XIRP1: variants seen among roughly 807,000 people sequenced by gnomAD.
XIRP1 encodes xin actin-binding repeat-containing protein 1.
For missense variants in XIRP1, 2,378 were observed against 2,345.4 expected, an observed-to-expected ratio of 1.01 and a Z score of -0.29; for synonymous variants, 984 against 947.0, an observed-to-expected ratio of 1.04 and a Z score of -0.72.
In XIRP1 at chr3:39,186,099, G is replaced by A. The variant is rs1202959862; in HGVS notation, c.3347C>T (p.Ala1116Val). 1.2e-6 allele frequency: 2 copies of A among 1,613,820 alleles called. No individual in the cohort carries two copies. Among genetic ancestry groups the A allele is most frequent in the Admixed American group, 3.3e-5 (2 of 60,002 alleles). Residue 1116 changes from alanine (A) to valine (V), a missense_variant, in exon 2 of 2, where the codon GCC becomes GTC. Coordinates refer to ENST00000340369, the MANE Select transcript of XIRP1 (RefSeq NM_194293.4). ...GGGSDPRIPA[A>V]PRKVSREEQA... ...CTCTTCCCTACTGACCTTTCTGGGG[G>A]CTGCTGGGATCCGGGGATCACTTCC... is the stretch of plus-strand genomic sequence containing the variant.
chr3:39,186,496 G>A lies in XIRP1; in HGVS notation c.2950C>T (p.His984Tyr). The A allele has an allele frequency of 6.2e-7, 1 of 1,613,720 alleles. No individual in the cohort carries two copies. The highest frequency in any genetic ancestry group is 8.5e-7 in the Non-Finnish European group (1 of 1,179,768). Residue 984 changes from histidine (H) to tyrosine (Y), a missense_variant, in exon 2 of 2, where the codon CAT (histidine) becomes TAT (tyrosine). By Grantham distance (83) the His-to-Tyr change is moderately conservative. Transcript: ENST00000340369. ...GGGGTGGCCCCTGAGGCTCTCAGAT[G>A]CCCCATCCCCATGCTGGGGTCCAGT... is the stretch of plus-strand genomic sequence containing the variant. ...PPLDPSMGMG[H>Y]LRASGATPCP... is the part of the protein sequence containing the mutation.
chr3:39,190,205 C>T (rs1460932675), intron 1 of XIRP1, among the ~76,000 whole-genome samples: 2 of 152,132 alleles, frequency 1.3e-5, no homozygotes, highest in Non-Finnish European at 2.9e-5. Context: ...GCATTATACT[C>T]GAAGACTGAG....
chr3:39,189,643 G>T, intron 1 of XIRP1, 118 bp from the exon 2 acceptor site: 1 of 756,190 alleles, frequency 1.3e-6, no homozygotes, highest in Non-Finnish European at 2.0e-6. Flanking sequence ...CTGCCTGCAT[G>T]GTTCGTGGGC....
rs776896952 is a variant in XIRP1, at chr3:39,188,493, G to T, written c.953C>A (p.Ala318Asp). 13 of 1,603,348 alleles carry T rather than the reference G, an allele frequency of 8.1e-6. No individual in the cohort carries two copies. Among genetic ancestry groups the T allele is most frequent in the Non-Finnish European group, 1.0e-5 (12 of 1,172,232 alleles). The change falls in exon 2 of 2, where the codon GCC becomes GAC. Residue 318 changes from alanine to aspartate, a missense_variant. Transcript: ENST00000340369. The stretch of plus-strand genomic sequence containing the variant: ...CTCATCTACCAAGATCTCCCGGATG[G>T]CATCCAGGGGCTGTGTCTCAAAGAT... ...RWIFETQPLD[A>D]IREILVDEKD...
Position 39,186,915 on chromosome 3 carries a change from C to T in XIRP1, c.2531G>A (p.Gly844Glu), listed in dbSNP as rs1406564405. 6.2e-7 allele frequency: 1 copy of T among 1,613,874 alleles called. No individual in the cohort carries two copies. The highest frequency in any genetic ancestry group is 1.3e-5 in the African/African-American group (1 of 74,930). The stretch of plus-strand genomic sequence containing the variant: ...AGTTGGGTCTTCCTGCACCAGCAGC[C>T]CCTGCTGGTCCACATCTGGCCGGCG... ...VLRRPDVDQQ[G>E]LLVQEDPTGQ... is the part of the protein sequence containing the mutation. Residue 844 changes from glycine to glutamate, a missense_variant, in exon 2 of 2, where the codon GGG becomes GAG. By Grantham distance (98) the Gly-to-Glu change is moderately conservative. Coordinates refer to ENST00000340369, the MANE Select transcript of XIRP1 (RefSeq NM_194293.4).
At chr3:39,191,627 A>G (rs1407579417) in intron 1 of XIRP1, among the ~76,000 whole-genome samples, 3 of 152,174 alleles carry the variant, frequency 2.0e-5, no homozygotes, top group African/African-American at 4.8e-5. Flanking sequence ...GGACAAGTGT[A>G]GAGTCAGGAC....
chr3:39,186,736 G>C lies in XIRP1; in HGVS notation c.2710C>G (p.Leu904Val). Residue 904 changes from leucine (L) to valine (V), a missense_variant, in exon 2 of 2, where the codon CTG becomes GTG. Transcript: ENST00000340369. ...AGAGAGTAGGCAGTCAGTGCGACCAGGCCCTGCTCTGTCTCCTGCATCACC... is the reference window on the plus strand; with the variant it reads ...AGAGAGTAGGCAGTCAGTGCGACCACGCCCTGCTCTGTCTCCTGCATCACC... Reference protein sequence around the residue: ...GLVMQETEQGLVALTAYSLQP... With the variant: ...GLVMQETEQGVVALTAYSLQP... 2 of 1,614,026 alleles carry C rather than the reference G, an allele frequency of 1.2e-6. No homozygotes were observed. The highest frequency in any genetic ancestry group is 1.7e-6 in the Non-Finnish European group (2 of 1,180,036).
chr3:39,192,292 T>A (rs144393018), intron 1 of XIRP1, among the ~76,000 whole-genome samples, 154 bp downstream of exon 1: 2 of 152,338 alleles, frequency 1.3e-5, no homozygotes, highest in East Asian at 3.9e-4. Context: ...GGGTTCTTTA[T>A]GTCTGAGACT....
Position 39,185,015 on chromosome 3 carries a change from C to T in XIRP1, c.4431G>A (p.Gln1477=), listed in dbSNP as rs1176287661. The stretch of plus-strand genomic sequence containing the variant: ...CGGCCTCCTTCTCCAGGGCTTGCAC[C>T]TGGTTCAGGAGGCCCTGGAGCTCTT... ...NQKELQGLLN[Q]VQALEKEAAS... Residue 1477 remains glutamine, a synonymous_variant, in exon 2 of 2, where the codon CAG becomes CAA. Transcript: ENST00000340369. 5.3e-6 allele frequency: 8 copies of T among 1,521,150 alleles called. No homozygotes were observed. The highest frequency in any genetic ancestry group is 6.2e-6 in the Non-Finnish European group (7 of 1,137,892). 94.2% of individuals were successfully genotyped at this position (1,521,150 alleles called of 1,614,324 possible). A position where few individuals can be genotyped will look rare whatever the true frequency, so the allele number is the denominator to read the frequency against.
At position 39,185,946 on chromosome 3, in the gene XIRP1, C is replaced by T; in HGVS notation, c.3500G>A (p.Arg1167Lys). 2 of 1,614,070 alleles carry T rather than the reference C, an allele frequency of 1.2e-6. No homozygotes were observed. Among genetic ancestry groups the T allele is most frequent in the Non-Finnish European group, 1.7e-6 (2 of 1,179,970 alleles). Residue 1167 changes from arginine to lysine, a missense_variant, in exon 2 of 2, where the codon AGG (arginine) becomes AAG (lysine). Arg to Lys is a conservative substitution (Grantham distance 26). Coordinates refer to ENST00000340369, the MANE Select transcript of XIRP1 (RefSeq NM_194293.4). The stretch of plus-strand genomic sequence containing the variant: ...GACTGAGAGGGCAGTCTCCCTGTGC[C>T]TTGACTGGGGTTCCCTCTGAGAAAG... ...VQLSQREPQS[R>K]HRETALSVQA...
Position 39,185,685 on chromosome 3 carries a change from A to G in XIRP1, c.3761T>C (p.Val1254Ala), listed in dbSNP as rs755169888. 6.2e-6 allele frequency: 10 copies of G among 1,613,280 alleles called. No individual in the cohort carries two copies. In the East Asian group the frequency reaches 2.2e-4, roughly 36 times the overall value. ...AGCTGGGAGAGTAGGAGGAGGAGGA[A>G]CAAAGGCATTATGGGGGTGCGGGCT... ...GASPHPHNAF[V>A]PPPPTLPAAV... Residue 1254 changes from valine to alanine, a missense_variant, in exon 2 of 2, where the codon GTT becomes GCT. Val to Ala is a moderately conservative substitution (Grantham distance 64, BLOSUM62 0). Transcript: ENST00000340369.
rs985288214 is a variant in XIRP1 at position 39,189,451 on chromosome 3, T to C, written c.-6A>G. 1 of 1,575,626 alleles carries C rather than the reference T, an allele frequency of 6.3e-7. No homozygotes were observed. The highest frequency in any genetic ancestry group is 1.8e-5 in the Admixed American group (1 of 56,460). The stretch of plus-strand genomic sequence containing the variant: ...TGTGTCTGGGTGTCGGCCATCCTTC[T>C]GAGAAGAAGGGGCAGAGATGAGGAT... On this transcript the variant is annotated 5_prime_UTR_variant, in exon 2 of 2. Transcript: ENST00000340369.
In XIRP1 at chr3:39,185,791, G is replaced by A. The variant is rs1426008900; in HGVS notation, c.3655C>T (p.Leu1219Phe). 1.2e-6 allele frequency: 2 copies of A among 1,611,996 alleles called. No homozygotes were observed. The highest frequency in any genetic ancestry group is 2.2e-5 in the South Asian group (2 of 90,810). ...TTCAGGGTGGTCTCTGCAGCTTGGA[G>A]GCCCCCTGGGCAGACTTCTGCCATC... ...KAMAEVCPGGLQAAETTLKTA... is the reference protein window; with the variant it reads ...KAMAEVCPGGFQAAETTLKTA... The change falls in exon 2 of 2, where the codon CTC becomes TTC. Residue 1219 changes from leucine (L) to phenylalanine (F), a missense_variant. Physicochemically the swap from Leu to Phe is conservative, Grantham distance 22 (BLOSUM62 0). Transcript: ENST00000340369.
In XIRP1 at chr3:39,185,135, T is replaced by G; in HGVS notation, c.4311A>C (p.Ser1437=). Residue 1437 remains serine (S), a synonymous_variant, in exon 2 of 2, where the codon TCA becomes TCC. Coordinates refer to ENST00000340369, the MANE Select transcript of XIRP1 (RefSeq NM_194293.4). ...CTGAGGGGCCGGGGCCCCACTGTGG[T>G]GAGGTGGGATCATGGTTGAGGGCAT... ...KLNALNHDPT[S]PQWGPGPSGE... is the part of the protein sequence containing the mutation. 6.3e-7 allele frequency: 1 copy of G among 1,582,292 alleles called. No individual in the cohort carries two copies. The highest frequency in any genetic ancestry group is 8.6e-7 in the Non-Finnish European group (1 of 1,164,642).
rs527811048 is a variant in XIRP1, at chr3:39,188,195, G to A, written c.1251C>T (p.Asp417=). The A allele has an allele frequency of 6.2e-7, 1 of 1,614,190 alleles. No individual in the cohort carries two copies. Among genetic ancestry groups the A allele is most frequent in the South Asian group, 1.1e-5 (1 of 91,086 alleles). Residue 417 remains aspartate (D), a synonymous_variant, in exon 2 of 2, where the codon GAC becomes GAT. Transcript: ENST00000340369. ...PQDGEGHLSS[D]SSSALPFSQS... ...GAGAGAAGGGCAGTGCTGAGGAGCTGTCACTGGATAGATGCCCCTCACCGT... is the reference window on the plus strand; with the variant it reads ...GAGAGAAGGGCAGTGCTGAGGAGCTATCACTGGATAGATGCCCCTCACCGT...
In XIRP1 at chr3:39,185,505, A is replaced by C; in HGVS notation, c.3941T>G (p.Leu1314Arg). ...CTTCTTTGGGGGCATGGTGGGGTCCAGTTTTGGGGTCTTTGTCTGTGACCC... is the reference window on the plus strand; with the variant it reads ...CTTCTTTGGGGGCATGGTGGGGTCCCGTTTTGGGGTCTTTGTCTGTGACCC... ...PGGSQTKTPK[L>R]DPTMPPKKKP... The change falls in exon 2 of 2, where the codon CTG becomes CGG. Residue 1314 changes from leucine (L) to arginine (R), a missense_variant. Leu to Arg is a moderately radical substitution (Grantham distance 102). Coordinates refer to ENST00000340369, the MANE Select transcript of XIRP1 (RefSeq NM_194293.4). 6.4e-7 allele frequency: 1 copy of C among 1,557,894 alleles called. No individual in the cohort carries two copies. Among genetic ancestry groups the C allele is most frequent in the Non-Finnish European group, 8.7e-7 (1 of 1,153,054 alleles).
chr3:39,185,941 T>C lies in XIRP1; in HGVS notation c.3505A>G (p.Arg1169Gly). 1 of 1,614,038 alleles carries C rather than the reference T, an allele frequency of 6.2e-7. No individual in the cohort carries two copies. Among genetic ancestry groups the C allele is most frequent in the Non-Finnish European group, 8.5e-7 (1 of 1,179,944 alleles). ...LSQREPQSRH[R>G]ETALSVQAPR... ...GCCTGGACTGAGAGGGCAGTCTCCC[T>C]GTGCCTTGACTGGGGTTCCCTCTGA... The change falls in exon 2 of 2, where the codon AGG becomes GGG. Residue 1169 changes from arginine (R) to glycine (G), a missense_variant. By Grantham distance (125) the Arg-to-Gly change is moderately radical (BLOSUM62 -2). Coordinates refer to ENST00000340369, the MANE Select transcript of XIRP1 (RefSeq NM_194293.4).
chr3:39,189,550 G>A, intron 1 of XIRP1, 25 bp from the exon 2 acceptor site: 1 of 1,492,040 alleles, frequency 6.7e-7, no homozygotes, highest in African/African-American at 1.4e-5. Context: ...AGTAAACAGG[G>A]CTCAGAGTCA....
In XIRP1 at chr3:39,186,457, C is replaced by T; in HGVS notation, c.2989G>A (p.Ala997Thr). 6.2e-7 allele frequency: 1 copy of T among 1,614,156 alleles called. No individual in the cohort carries two copies. The highest frequency in any genetic ancestry group is 8.5e-7 in the Non-Finnish European group (1 of 1,180,026). Residue 997 changes from alanine to threonine, a missense_variant, in exon 2 of 2, where the codon GCC becomes ACC. Ala to Thr is a moderately conservative substitution (Grantham distance 58, BLOSUM62 0). Transcript: ENST00000340369. ...ASGATPCPPQAIGKAVPLAGE... is the reference protein window; with the variant it reads ...ASGATPCPPQTIGKAVPLAGE... Reference sequence around the variant, plus strand: ...GCCAGAGGGACTGCCTTTCCAATGGCCTGAGGAGGGCAAGGGGTGGCCCCT... The same window carrying T: ...GCCAGAGGGACTGCCTTTCCAATGGTCTGAGGAGGGCAAGGGGTGGCCCCT...
Sources: gnomAD v4.1 joint callset for allele counts (sites outside exome capture counted in the v4.1 genomes callset) on GRCh38, gnomAD v4.1.1 for gene constraint, MANE v1.5 for transcripts, NCBI Gene and HGNC (gene_info 2026-07-23, HGNC 2026-07-21) for gene names.